CADPS: variants seen among roughly 807,000 people sequenced by gnomAD.
CADPS encodes the protein calcium-dependent secretion activator 1.
Under a neutral mutation model 167.3 loss-of-function variants are expected in CADPS, and 57 were observed. The ratio of observed to expected loss-of-function variants is 0.34; its 90% CI spans 0.28 to 0.42. The LOEUF (loss-of-function observed/expected upper bound fraction) is 0.42, where lower values mean the gene tolerates loss of function less well. Ranked by LOEUF, CADPS falls within the 20% of genes least tolerant of loss-of-function variation. The pLI, the probability that CADPS is intolerant of heterozygous loss-of-function variation, is 1.00. For missense variants in CADPS, 1,414 were observed against 1,738.1 expected, an observed-to-expected ratio of 0.81 and a Z score of 3.32; for synonymous variants, 676 against 635.3, an observed-to-expected ratio of 1.06 and a Z score of -0.96.
intron 1 of CADPS, among the ~76,000 whole-genome samples, chr3:62,777,757 G>A (rs1233155842): frequency 6.6e-6 from 1 of 152,136 alleles, no homozygotes; most frequent in Non-Finnish European, 1.5e-5. Flanking sequence ...TGTGCACATG[G>A]AGACCTTCTA....
intron 1 of CADPS, among the ~76,000 whole-genome samples, chr3:62,784,945 G>C (rs1329203098): frequency 1.3e-5 from 2 of 152,152 alleles, no homozygotes; most frequent in Non-Finnish European, 2.9e-5. Flanking sequence ...AAGAGTTACT[G>C]TTAGGGTTTC....
intron 1 of CADPS, among the ~76,000 whole-genome samples, chr3:62,789,416 G>A (rs1490009446): frequency 6.6e-6 from 1 of 152,194 alleles, no homozygotes; most frequent in Non-Finnish European, 1.5e-5. Flanking sequence ...GTAGGAGTAT[G>A]TGAGTCTAAT....
chr3:62,694,754 A>C (rs949960239), intron 3 of CADPS, among the ~76,000 whole-genome samples: 1 of 152,100 alleles, frequency 6.6e-6, no homozygotes, highest in Non-Finnish European at 1.5e-5. Flanking sequence ...GTCCTTACCC[A>C]TACCCCAGTA....
At chr3:62,825,940 G>A (rs780178472) in intron 1 of CADPS, among the ~76,000 whole-genome samples, 9 of 152,118 alleles carry the variant, frequency 5.9e-5, no homozygotes, top group Non-Finnish European at 1.3e-4. Context: ...GGGGAGAAGC[G>A]AGGGTGACAA....
chr3:62,855,363 T>C (rs895971871), intron 1 of CADPS, among the ~76,000 whole-genome samples: 15 of 152,036 alleles, frequency 9.9e-5, no homozygotes, highest in Non-Finnish European at 2.1e-4. Flanking sequence ...TCTGATTATT[T>C]TTTAAAACAC....
intron 9 of CADPS, among the ~76,000 whole-genome samples, chr3:62,568,961 T>C (rs972879088): frequency 6.6e-6 from 1 of 152,248 alleles, no homozygotes; most frequent in Admixed American, 6.5e-5. Flanking sequence ...GGGAGCTAAA[T>C]ACCAGACCTG....
At chr3:62,466,474 G>T in intron 24 of CADPS, 61 bp from the exon 25 acceptor site, 3 of 1,038,478 alleles carry the variant, frequency 2.9e-6, no homozygotes, top group Non-Finnish European at 4.5e-6. Flanking sequence ...GCATCCGTCA[G>T]TAATTTTTAG....
intron 6 of CADPS, among the ~76,000 whole-genome samples, chr3:62,596,358 G>A (rs958081341): frequency 6.6e-6 from 1 of 151,932 alleles, no homozygotes; most frequent in Non-Finnish European, 1.5e-5. Flanking sequence ...ACCGTGCCCA[G>A]CTAATTTTTT....
In CADPS at chr3:62,875,066, G is replaced by A. The variant is rs1363534287; in HGVS notation, c.-37C>T. On this transcript the variant is annotated 5_prime_UTR_variant, in exon 1 of 30. Coordinates refer to ENST00000383710, the MANE Select transcript of CADPS (RefSeq NM_003716.4). ...GGGAGCGGGGTCTCTGGAGCCCCCG[G>A]CTTGGAGTGCAAAAGGTGGGGGGCG... 1.9e-6 allele frequency: 3 copies of A among 1,549,722 alleles called. No individual in the cohort carries two copies. Among genetic ancestry groups the A allele is most frequent in the South Asian group, 1.1e-5 (1 of 87,372 alleles).
chr3:62,589,876 C>T (rs2085522592), intron 7 of CADPS, among the ~76,000 whole-genome samples: 1 of 152,010 alleles, frequency 6.6e-6, no homozygotes, highest in Non-Finnish European at 1.5e-5. Context: ...GCATATAGGC[C>T]CAGGCACAAA....
chr3:62,586,480 G>A (rs1020668810), intron 7 of CADPS, among the ~76,000 whole-genome samples: 2 of 152,122 alleles, frequency 1.3e-5, no homozygotes, highest in Non-Finnish European at 2.9e-5. Flanking sequence ...AAACAAGACT[G>A]CTGAGAGGAG....
intron 1 of CADPS, among the ~76,000 whole-genome samples, chr3:62,802,765 C>A (rs2093847816): frequency 6.6e-6 from 1 of 152,144 alleles, no homozygotes; most frequent in African/African-American, 2.4e-5. Flanking sequence ...AATCAGGAAA[C>A]TGAAGTTAGT....
chr3:62,428,770 G>A (rs902359352), intron 28 of CADPS, among the ~76,000 whole-genome samples: 2 of 152,144 alleles, frequency 1.3e-5, no homozygotes, highest in Non-Finnish European at 2.9e-5. Context: ...CAGATCAGTG[G>A]TTCTCAAATG....
At chr3:62,781,051 T>C (rs1269443888) in intron 1 of CADPS, among the ~76,000 whole-genome samples, 4 of 152,192 alleles carry the variant, frequency 2.6e-5, no homozygotes, top group African/African-American at 9.7e-5. Flanking sequence ...ATTTGCTTCA[T>C]TATCTGTGAT....
chr3:62,792,711 T>C (rs1260364005), intron 1 of CADPS, among the ~76,000 whole-genome samples: 1 of 152,138 alleles, frequency 6.6e-6, no homozygotes, highest in African/African-American at 2.4e-5. Context: ...TCCCCCTGCA[T>C]TAGCTTCCCA....
intron 18 of CADPS, 26 bp downstream of exon 18, chr3:62,499,136 A>G (rs925942729): frequency 5.5e-6 from 8 of 1,460,046 alleles, no homozygotes; most frequent in Admixed American, 1.7e-5. Context: ...GGACAGTAAG[A>G]TACACTTCCC....
At chr3:62,779,678 C>A in intron 1 of CADPS, 3 of 512,276 alleles carry the variant, frequency 5.9e-6, no homozygotes, top group Non-Finnish European at 1.2e-5. Flanking sequence ...GTCCACCGAC[C>A]AAAGCCCCAT....
chr3:62,563,892 T>C (rs183928421), intron 9 of CADPS, among the ~76,000 whole-genome samples: 2 of 152,296 alleles, frequency 1.3e-5, no homozygotes, highest in African/African-American at 4.8e-5. Flanking sequence ...TATGGATGAG[T>C]AGTATTCCAT....
chr3:62,750,178 CCA>C (rs2082377817), intron 3 of CADPS, among the ~76,000 whole-genome samples: 2 of 151,334 alleles, frequency 1.3e-5, no homozygotes, highest in African/African-American at 2.4e-5. Context: ...ATGGAAAAAC[CCA>C]CCTCTACTAA....
Sources: allele counts gnomAD v4.1 joint callset (sites outside exome capture counted in the v4.1 genomes callset), GRCh38; gene constraint gnomAD v4.1.1; transcripts MANE v1.5; gene names NCBI Gene and HGNC (gene_info 2026-07-23, HGNC 2026-07-21).